Variants in ZRANB3 observed in about 807,000 individuals in gnomAD.
ZRANB3 encodes zinc finger RANBP2-type containing 3.
ZRANB3 carries 125 observed loss-of-function variants against 133.8 expected under a neutral mutation model. That is an observed-to-expected ratio of 0.93 (90% CI 0.81 to 1.08). The LOEUF (loss-of-function observed/expected upper bound fraction) is 1.08, where lower values mean the gene tolerates loss of function less well. ZRANB3 is among the 50% of genes least tolerant of loss of function. ZRANB3 has a pLI of 0.00. For missense variants in ZRANB3, 1,229 were observed against 1,275.5 expected, an observed-to-expected ratio of 0.96 and a Z score of 0.56; for synonymous variants, 387 against 432.7, an observed-to-expected ratio of 0.89 and a Z score of 1.31.
intron 6 of ZRANB3, among the ~76,000 whole-genome samples, chr2:135,328,527 G>A (rs1349787916): frequency 6.6e-6 from 1 of 152,038 alleles, no homozygotes; most frequent in Non-Finnish European, 1.5e-5. Context: ...AAAGATACGT[G>A]TGCATGTGTC....
At chr2:135,480,762 C>A in intron 2 of ZRANB3, among the ~76,000 whole-genome samples, 1 of 113,978 alleles carries the variant, frequency 8.8e-6, no homozygotes, top group Non-Finnish European at 1.7e-5. Flanking sequence ...TATCCCTCCC[C>A]CCTCCCCCCA....
chr2:135,305,747 T>G (rs1682657390), intron 8 of ZRANB3, among the ~76,000 whole-genome samples: 1 of 152,164 alleles, frequency 6.6e-6, no homozygotes, highest in Non-Finnish European at 1.5e-5. Flanking sequence ...CTCCTTTAAG[T>G]TTTTCTTATA....
intron 3 of ZRANB3, among the ~76,000 whole-genome samples, chr2:135,387,392 A>C (rs1687030372): frequency 6.6e-6 from 1 of 152,278 alleles, no homozygotes. Flanking sequence ...CATATAATTT[A>C]CATATATAGA....
At chr2:135,439,826 T>C (rs1038115863) in intron 2 of ZRANB3, among the ~76,000 whole-genome samples, 2 of 152,236 alleles carry the variant, frequency 1.3e-5, no homozygotes, top group African/African-American at 2.4e-5. Context: ...GATTTTAATG[T>C]GCAACGAAGT....
At chr2:135,380,162 C>G (rs545048355) in intron 3 of ZRANB3, among the ~76,000 whole-genome samples, 1 of 152,304 alleles carries the variant, frequency 6.6e-6, no homozygotes, top group African/African-American at 2.4e-5. Flanking sequence ...ATTCACAAAG[C>G]AAGTTCTCAG....
rs1434158830 is a variant in ZRANB3 at position 135,230,658 on chromosome 2, T to C, written c.1809A>G (p.Pro603=). Residue 603 remains proline, a synonymous_variant, in exon 13 of 21, where the codon CCA becomes CCG. Transcript: ENST00000264159. ...TGGCCTCCTGTACACTTTCCACGAG[T>C]GGAGTTCGGATTTGCTTGGACTGGG... ...TPSQSKQIRT[P]LVESVQEAKA... 4 of 1,613,396 alleles carry C rather than the reference T, an allele frequency of 2.5e-6. No individual in the cohort carries two copies. Among genetic ancestry groups the C allele is most frequent in the Non-Finnish European group, 3.4e-6 (4 of 1,179,762 alleles).
chr2:135,378,590 A>G (rs540450974), intron 3 of ZRANB3, among the ~76,000 whole-genome samples: 2 of 152,220 alleles, frequency 1.3e-5, no homozygotes, highest in Admixed American at 1.3e-4. Context: ...GTATAAAAAA[A>G]GGGGGGGAAA....
intron 6 of ZRANB3, among the ~76,000 whole-genome samples, chr2:135,329,175 G>A (rs975898680): frequency 6.6e-6 from 1 of 152,146 alleles, no homozygotes; most frequent in African/African-American, 2.4e-5. Context: ...TTTTCTTCTA[G>A]GGTTTTTATG....
intron 8 of ZRANB3, among the ~76,000 whole-genome samples, chr2:135,280,825 G>C (rs1366510961): frequency 6.6e-6 from 1 of 152,154 alleles, no homozygotes; most frequent in Non-Finnish European, 1.5e-5. Flanking sequence ...ACTTTAGTTA[G>C]GCTCCCCTGA....
intron 2 of ZRANB3, among the ~76,000 whole-genome samples, chr2:135,396,858 C>T (rs1422217165): frequency 6.6e-6 from 1 of 152,122 alleles, no homozygotes; most frequent in East Asian, 1.9e-4. Flanking sequence ...TGAGGTGATA[C>T]ATCTGCTTAT....
chr2:135,493,342 C>G (rs539131699), intron 2 of ZRANB3, among the ~76,000 whole-genome samples: 2 of 150,276 alleles, frequency 1.3e-5, no homozygotes, highest in Non-Finnish European at 3.0e-5. Flanking sequence ...GAATACTATA[C>G]TACAAGGAAA....
At chr2:135,273,102 C>T (rs1002926095) in intron 9 of ZRANB3, among the ~76,000 whole-genome samples, 1 of 150,472 alleles carries the variant, frequency 6.6e-6, no homozygotes, top group African/African-American at 2.4e-5. Flanking sequence ...AGAAGAATGG[C>T]GTGAACCCGG....
At chr2:135,446,159 T>C (rs1690012489) in intron 2 of ZRANB3, among the ~76,000 whole-genome samples, 4 of 151,126 alleles carry the variant, frequency 2.6e-5, no homozygotes, top group Admixed American at 2.6e-4. Context: ...TGAGCTGAGA[T>C]TGCGCCATTG....
chr2:135,340,752 A>C (rs1684612098), intron 6 of ZRANB3, among the ~76,000 whole-genome samples: 1 of 151,854 alleles, frequency 6.6e-6, no homozygotes, highest in African/African-American at 2.4e-5. Flanking sequence ...GCTACTCGGG[A>C]GGCTGAGGCA....
At chr2:135,214,356 G>C (rs1694221305) in intron 17 of ZRANB3, among the ~76,000 whole-genome samples, 1 of 151,996 alleles carries the variant, frequency 6.6e-6, no homozygotes. Context: ...TTAATCTGCT[G>C]CTTGTTAACA....
chr2:135,246,332 T>C (rs1695801476), intron 12 of ZRANB3, among the ~76,000 whole-genome samples: 1 of 152,184 alleles, frequency 6.6e-6, no homozygotes, highest in Non-Finnish European at 1.5e-5. Context: ...TAGATACAGA[T>C]ATCAAATAAA....
chr2:135,341,738 G>A lies in ZRANB3; in HGVS notation c.677+3812C>T, dbSNP rs537531296. On this transcript the variant is annotated intron_variant, in intron 6 of 20. Transcript: ENST00000264159. Reference sequence around the variant, plus strand: ...AAATAATGCATTCCCAGGGCAGGGCGGGGGGCCTCTAAAATGGCCGCTCTG... The same window carrying A: ...AAATAATGCATTCCCAGGGCAGGGCAGGGGGCCTCTAAAATGGCCGCTCTG... Among the ~76,000 whole-genome samples, 27 of 149,950 alleles carry A rather than the reference G, an allele frequency of 1.8e-4. No individual in the cohort carries two copies. The South Asian group carries it at 5.2e-3, about 29-fold the overall frequency.
chr2:135,253,601 T>C (rs1438198300), intron 12 of ZRANB3, among the ~76,000 whole-genome samples: 1 of 152,202 alleles, frequency 6.6e-6, no homozygotes, highest in African/African-American at 2.4e-5. Flanking sequence ...ACTCCTAGAC[T>C]ATAAACCTGT....
chr2:135,402,190 A>G (rs1687761954), intron 2 of ZRANB3, among the ~76,000 whole-genome samples: 1 of 152,098 alleles, frequency 6.6e-6, no homozygotes, highest in Admixed American at 6.6e-5. Context: ...TTAATCACAT[A>G]CGAGGACTGC....
Sources: gnomAD v4.1 joint callset for allele counts (sites outside exome capture counted in the v4.1 genomes callset) on GRCh38, gnomAD v4.1.1 for gene constraint, MANE v1.5 for transcripts, NCBI Gene and HGNC (gene_info 2026-07-23, HGNC 2026-07-21) for gene names.